SLC5A8: variants seen among roughly 807,000 people sequenced by gnomAD.
SLC5A8 encodes the protein solute carrier family 5 member 8.
SLC5A8 carries 55 observed loss-of-function variants against 71.9 expected under a neutral mutation model. The observed-to-expected ratio is 0.77, with a 90% confidence interval of 0.62 to 0.96. The LOEUF is 0.96. Among genes scored for constraint, SLC5A8 ranks in the 40% least tolerant of loss-of-function variants. SLC5A8 has a pLI of 0.00. For missense variants in SLC5A8, 701 were observed against 745.3 expected (o/e 0.94, Z 0.69); for synonymous variants, 307 against 276.1 (o/e 1.11, Z -1.11).
At chr12:101,205,950 G>T (rs139951070) in intron 1 of SLC5A8, among the ~76,000 whole-genome samples, 35 of 152,320 alleles carry the variant, frequency 2.3e-4, no homozygotes, top group African/African-American at 8.4e-4. Context: ...ACAGTGCCTT[G>T]TAGTACACTG....
chr12:101,166,882 G>C (rs895646011), intron 11 of SLC5A8, among the ~76,000 whole-genome samples, 183 bp from the exon 12 acceptor site: 6 of 151,974 alleles, frequency 3.9e-5, no homozygotes, highest in African/African-American at 1.5e-4. Flanking sequence ...AAATGAACAA[G>C]TGAATAAATG....
At chr12:101,159,157 T>A (rs1225642044) in intron 13 of SLC5A8, among the ~76,000 whole-genome samples, 1 of 152,100 alleles carries the variant, frequency 6.6e-6, no homozygotes, top group Non-Finnish European at 1.5e-5. Flanking sequence ...GAAGCCTGAT[T>A]TTTATAAAAT....
intron 7 of SLC5A8, among the ~76,000 whole-genome samples, chr12:101,185,063 C>T (rs1039116464): frequency 5.3e-5 from 8 of 152,232 alleles, no homozygotes; most frequent in East Asian, 3.9e-4. Context: ...CCTATTTTAT[C>T]GGCTTCCATA....
At chr12:101,205,194 A>C (rs1869626649) in intron 1 of SLC5A8, among the ~76,000 whole-genome samples, 1 of 152,192 alleles carries the variant, frequency 6.6e-6, no homozygotes, top group Non-Finnish European at 1.5e-5. Context: ...AAAATGACTG[A>C]TCCTGACAGA....
intron 10 of SLC5A8, among the ~76,000 whole-genome samples, chr12:101,178,371 G>C (rs35916588): frequency 0.039 from 6,007 of 152,192 alleles, 147 homozygotes; most frequent in Non-Finnish European, 0.059. Context: ...AGAATACAGT[G>C]GGAGGAATCG....
intron 13 of SLC5A8, among the ~76,000 whole-genome samples, chr12:101,158,598 C>CTCTCTCTCTCTCTCTCTA (rs1411795424): frequency 1.4e-4 from 3 of 21,250 alleles, no homozygotes; most frequent in Non-Finnish European, 1.8e-4. Flanking sequence ...CTCTCTCTCT[C>CTCTCTCTCTCTCTCTCTA]TATATATATA....
At chr12:101,197,087 C>T (rs368649937) in intron 3 of SLC5A8, among the ~76,000 whole-genome samples, 18 of 152,114 alleles carry the variant, frequency 1.2e-4, no homozygotes, top group Admixed American at 6.6e-4. Context: ...TCCATGAGTT[C>T]GTAAGAATTT....
intron 11 of SLC5A8, among the ~76,000 whole-genome samples, chr12:101,167,091 C>T (rs552181970): frequency 1.3e-5 from 2 of 152,122 alleles, no homozygotes; most frequent in Non-Finnish European, 1.5e-5. Flanking sequence ...ACAGCTCTTC[C>T]GGAGGAAATA....
intron 10 of SLC5A8, among the ~76,000 whole-genome samples, chr12:101,176,116 A>C (rs2051877706): frequency 6.6e-6 from 1 of 152,072 alleles, no homozygotes; most frequent in African/African-American, 2.4e-5. Flanking sequence ...CTCACTTCTA[A>C]TATAGCAACA....
chr12:101,160,075 G>A (rs922818074), intron 13 of SLC5A8, among the ~76,000 whole-genome samples: 5 of 152,076 alleles, frequency 3.3e-5, no homozygotes, highest in Admixed American at 1.3e-4. Context: ...CCAGCTACTC[G>A]GGAAGCTGAG....
intron 13 of SLC5A8, 115 bp from the exon 14 acceptor site, chr12:101,158,443 A>C (rs1325021616): frequency 3.0e-6 from 2 of 664,860 alleles, no homozygotes; most frequent in Non-Finnish European, 5.1e-6. Context: ...TACATTCAAA[A>C]AACACAAAGA....
chr12:101,179,813 A>C (rs995853369), intron 10 of SLC5A8, among the ~76,000 whole-genome samples: 1 of 152,190 alleles, frequency 6.6e-6, no homozygotes, highest in Admixed American at 6.5e-5. Context: ...AGAGTATATG[A>C]GATCTCTCTG....
chr12:101,195,918 A>G lies in SLC5A8; in HGVS notation c.470-756T>C, dbSNP rs935763318. Among the ~76,000 whole-genome samples, 13 of 152,166 alleles carry G rather than the reference A, an allele frequency of 8.5e-5. No individual in the cohort carries two copies. The East Asian group carries it at 2.3e-3, about 27-fold the overall frequency. The stretch of plus-strand genomic sequence containing the variant: ...CACCATGTTGGACAGGATGGTCTCA[A>G]TCGCCTGACTTCGTGATCCACCTGC... On this transcript the variant is annotated intron_variant, in intron 3 of 14. Transcript: ENST00000536262.
In SLC5A8 at chr12:101,208,977, C is replaced by T. The variant is rs552095770; in HGVS notation, c.351+521G>A. On this transcript the variant is annotated intron_variant, in intron 1 of 14. Transcript: ENST00000536262. ...GGTCCGAAATACAGGTACTGGTACACCTTAGCCACTTGGGTGCCTGTTTCA... is the reference window on the plus strand; with the variant it reads ...GGTCCGAAATACAGGTACTGGTACATCTTAGCCACTTGGGTGCCTGTTTCA... Among the ~76,000 whole-genome samples, 16 of 152,218 alleles carry T rather than the reference C, an allele frequency of 1.1e-4. No homozygotes were observed. In the South Asian group the frequency reaches 1.9e-3, roughly 18 times the overall value.
At chr12:101,172,930 C>T (rs2051843955) in intron 10 of SLC5A8, among the ~76,000 whole-genome samples, 1 of 152,138 alleles carries the variant, frequency 6.6e-6, no homozygotes, top group Non-Finnish European at 1.5e-5. Context: ...GCCCCTGTCC[C>T]ATGGGAGTGG....
rs1429727141 is a variant in SLC5A8, at chr12:101,193,754, G to A, written c.563C>T (p.Thr188Ile). ...TLGGLKAVIWTDVFQVGIMVA... is the reference protein window; with the variant it reads ...TLGGLKAVIWIDVFQVGIMVA... ...CATGATCCCAACTTGAAAAACATCT[G>A]TCCAGATAACTGCTTTAAGACCACC... The change falls in exon 5 of 15, where the codon ACA becomes ATA. Residue 188 changes from threonine (T) to isoleucine (I), a missense_variant. Thr to Ile is a moderately conservative substitution (Grantham distance 89). Coordinates refer to ENST00000536262, the MANE Select transcript of SLC5A8 (RefSeq NM_145913.5). The A allele has an allele frequency of 1.9e-6, 3 of 1,613,894 alleles. No homozygotes were observed. The highest frequency in any genetic ancestry group is 1.7e-5 in the Admixed American group (1 of 60,002).
At chr12:101,165,004 A>C (rs1204002031) in intron 12 of SLC5A8, among the ~76,000 whole-genome samples, 1 of 152,126 alleles carries the variant, frequency 6.6e-6, no homozygotes, top group Non-Finnish European at 1.5e-5. Context: ...ACTATGTCTT[A>C]GTTTTTATAC....
At position 101,190,827 on chromosome 12, in the gene SLC5A8, G is replaced by T. The variant is rs184748968; in HGVS notation, c.693-219C>A. On this transcript the variant is annotated intron_variant, in intron 5 of 14. Transcript: ENST00000536262. Reference sequence around the variant, plus strand: ...TCAGAGATCTGAAAATACTAGAAGAGACTGGGGGAAATGAATGTTGCAATC... The same window carrying T: ...TCAGAGATCTGAAAATACTAGAAGATACTGGGGGAAATGAATGTTGCAATC... 2.4e-3 allele frequency among the ~76,000 whole-genome samples: 366 copies of T among 152,176 alleles called. 7 individuals are homozygous for T. The highest frequency in any genetic ancestry group is 0.022 in the Admixed American group (340 of 15,286).
At chr12:101,191,124 T>C (rs2137156062) in intron 5 of SLC5A8, among the ~76,000 whole-genome samples, 1 of 152,360 alleles carries the variant, frequency 6.6e-6, no homozygotes, top group South Asian at 2.1e-4. Flanking sequence ...TTTCAAGTTT[T>C]GCATTTTCTA....
Sources: gnomAD v4.1 joint callset for allele counts (sites outside exome capture counted in the v4.1 genomes callset) on GRCh38, gnomAD v4.1.1 for gene constraint, MANE v1.5 for transcripts, NCBI Gene and HGNC (gene_info 2026-07-23, HGNC 2026-07-21) for gene names.